Variants in PHACTR1 observed in about 807,000 individuals in gnomAD.
PHACTR1 encodes the protein RPEL repeat containing 1.
PHACTR1 carries 16 observed loss-of-function variants against 69.2 expected under a neutral mutation model. The ratio of observed to expected loss-of-function variants is 0.23; its 90% CI spans 0.16 to 0.35. The LOEUF is 0.35. Among genes scored for constraint, PHACTR1 ranks in the 10% least tolerant of loss-of-function variants. The pLI, the probability that PHACTR1 is intolerant of heterozygous loss-of-function variation, is 1.00. For synonymous variants in PHACTR1, 312 were observed against 284.5 expected (o/e 1.10, Z -0.97); for missense variants, 510 against 734.7 (o/e 0.69, Z 3.54).
At chr6:12,965,545 T>C (rs773199732) in intron 4 of PHACTR1, among the ~76,000 whole-genome samples, 12 of 151,630 alleles carry the variant, frequency 7.9e-5, no homozygotes, top group Non-Finnish European at 1.6e-4. Flanking sequence ...GATGCAGTGC[T>C]TCTAACTTCA....
intron 10 of PHACTR1, among the ~76,000 whole-genome samples, chr6:13,233,630 A>G (rs1242318993): frequency 6.6e-6 from 1 of 152,186 alleles, no homozygotes; most frequent in Admixed American, 6.5e-5. Context: ...CCTACTCATT[A>G]TCATGAGAAC....
intron 5 of PHACTR1, among the ~76,000 whole-genome samples, chr6:13,089,884 C>T (rs1021076653): frequency 2.6e-5 from 4 of 152,186 alleles, no homozygotes; most frequent in Non-Finnish European, 5.9e-5. Flanking sequence ...GTAGCATCTG[C>T]ATCACTTGGA....
intron 4 of PHACTR1, among the ~76,000 whole-genome samples, chr6:12,897,874 C>T (rs572973233): frequency 6.6e-6 from 1 of 152,170 alleles, no homozygotes; most frequent in East Asian, 1.9e-4. Flanking sequence ...ATTCCCTCAC[C>T]CTCCAACAGG....
At chr6:12,955,570 G>A (rs1283865152) in intron 4 of PHACTR1, among the ~76,000 whole-genome samples, 1 of 152,004 alleles carries the variant, frequency 6.6e-6, no homozygotes, top group Non-Finnish European at 1.5e-5. Flanking sequence ...CTATGTACAG[G>A]CCAAGGGTAT....
At chr6:12,921,538 A>AGGGAAAGGAGGAAGGAGGGAGGG in intron 4 of PHACTR1, among the ~76,000 whole-genome samples, 1 of 105,842 alleles carries the variant, frequency 9.4e-6, no homozygotes, top group South Asian at 4.0e-4. Context: ...GGGAGGGAGG[A>AGGGAAAGGAGGAAGGAGGGAGGG]GGGAAAGGAG....
intron 4 of PHACTR1, among the ~76,000 whole-genome samples, chr6:12,943,104 T>C (rs1258217466): frequency 6.6e-6 from 1 of 152,070 alleles, no homozygotes; most frequent in Admixed American, 6.5e-5. Context: ...AGCCAAAAGG[T>C]AGAAACACCC....
intron 4 of PHACTR1, among the ~76,000 whole-genome samples, chr6:12,930,061 A>G (rs1173081617): frequency 6.9e-6 from 1 of 145,356 alleles, no homozygotes; most frequent in African/African-American, 2.5e-5. Context: ...TTTTTTTTTT[A>G]GATGGGGATC....
chr6:12,721,607 C>G (rs1248884220), intron 3 of PHACTR1, among the ~76,000 whole-genome samples: 1 of 152,188 alleles, frequency 6.6e-6, no homozygotes, highest in East Asian at 1.9e-4. Context: ...CTTCATTTCA[C>G]TTTAAAGATG....
chr6:13,279,031 CTTT>C (rs5874408), intron 12 of PHACTR1, among the ~76,000 whole-genome samples: 9 of 139,202 alleles, frequency 6.5e-5, no homozygotes, highest in Non-Finnish European at 7.6e-5. Flanking sequence ...AAAGTATAGA[CTTT>C]TTTTTTTTTT....
At chr6:13,037,767 G>A (rs528372502) in intron 4 of PHACTR1, among the ~76,000 whole-genome samples, 60 of 152,314 alleles carry the variant, frequency 3.9e-4, no homozygotes, top group African/African-American at 1.4e-3. Flanking sequence ...TGGCTGCTGT[G>A]TGGAAGACTT....
In PHACTR1 at chr6:13,055,382, A is replaced by G. The variant is rs548746648; in HGVS notation, c.415+1853A>G. ...CAAGTGAGCAAAACTCCAAATGTGT[A>G]TCCTCCACTGAGACAGAAAAGGGTA... On this transcript the variant is annotated intron_variant, in intron 5 of 14. Coordinates refer to ENST00000332995, the MANE Select transcript of PHACTR1 (RefSeq NM_030948.6). Among the ~76,000 whole-genome samples, 24 of 152,334 alleles carry G rather than the reference A, an allele frequency of 1.6e-4. No homozygotes were observed. In the South Asian group the frequency reaches 3.9e-3, roughly 25 times the overall value.
At chr6:12,900,804 C>T (rs1785111286) in intron 4 of PHACTR1, among the ~76,000 whole-genome samples, 1 of 152,210 alleles carries the variant, frequency 6.6e-6, no homozygotes, top group Non-Finnish European at 1.5e-5. Context: ...TTTCACTAAT[C>T]ATTCCTAACT....
At chr6:12,960,161 C>T (rs1357068782) in intron 4 of PHACTR1, among the ~76,000 whole-genome samples, 1 of 152,182 alleles carries the variant, frequency 6.6e-6, no homozygotes, top group Non-Finnish European at 1.5e-5. Flanking sequence ...GTTTCCTCAT[C>T]CATAAAATTG....
chr6:12,830,740 C>T (rs1777471500), intron 4 of PHACTR1, among the ~76,000 whole-genome samples: 1 of 151,908 alleles, frequency 6.6e-6, no homozygotes, highest in Non-Finnish European at 1.5e-5. Flanking sequence ...CAGGACCTGC[C>T]ACCATGCCCA....
intron 11 of PHACTR1, among the ~76,000 whole-genome samples, chr6:13,276,699 G>A (rs1279799925): frequency 1.3e-5 from 2 of 152,140 alleles, no homozygotes; most frequent in Non-Finnish European, 2.9e-5. Flanking sequence ...TTGAACTTGG[G>A]AGGTGGAGTT....
rs761412454 is a variant in PHACTR1 at position 13,227,879 on chromosome 6, G to A, written c.1050G>A (p.Gly350=). The A allele has an allele frequency of 6.2e-7, 1 of 1,613,848 alleles. No individual in the cohort carries two copies. The highest frequency in any genetic ancestry group is 1.3e-5 in the African/African-American group (1 of 74,900). Residue 350 remains glycine (G), a synonymous_variant, in exon 9 of 15, where the codon GGG becomes GGA. Transcript: ENST00000332995. ...GCTCTGGGTTGCACTCGGGTGATGG[G>A]GTCACCAAAGCAGGACCTATGGGCC... ...YHSSGLHSGD[G]VTKAGPMGLP...
At chr6:13,022,020 G>A (rs1801047877) in intron 4 of PHACTR1, among the ~76,000 whole-genome samples, 1 of 152,166 alleles carries the variant, frequency 6.6e-6, no homozygotes, top group Admixed American at 6.5e-5. Context: ...GTCCGGTTCT[G>A]GCTCCCACCT....
chr6:12,848,453 C>T (rs9367240), intron 4 of PHACTR1, among the ~76,000 whole-genome samples: 28,795 of 152,048 alleles, frequency 0.19, 2,944 homozygotes, highest in African/African-American at 0.26. Flanking sequence ...TGAATCAAGG[C>T]GCCCATCTCA....
chr6:13,257,166 C>T (rs960662664), intron 10 of PHACTR1, among the ~76,000 whole-genome samples: 3 of 152,062 alleles, frequency 2.0e-5, no homozygotes, highest in Non-Finnish European at 4.4e-5. Context: ...AGGCATCTGA[C>T]ATGGCAGGAG....
Sources: gnomAD v4.1 joint callset for allele counts (sites outside exome capture counted in the v4.1 genomes callset) on GRCh38, gnomAD v4.1.1 for gene constraint, MANE v1.5 for transcripts, NCBI Gene and HGNC (gene_info 2026-07-23, HGNC 2026-07-21) for gene names.